Variants in ARHGAP24 observed in about 807,000 individuals in gnomAD.
ARHGAP24 encodes the protein rho GTPase-activating protein 24.
A neutral mutation model predicts 76.4 loss-of-function variants in ARHGAP24; 50 were observed. That is an observed-to-expected ratio of 0.65 (90% CI 0.52 to 0.83). The LOEUF is 0.83. ARHGAP24 is among the 40% of genes least tolerant of loss of function. The probability of loss-of-function intolerance (pLI) is 0.00; values close to 1 mark genes in which losing one functional copy is unlikely to be tolerated. For synonymous variants in ARHGAP24, 345 were observed against 323.3 expected (o/e 1.07, Z -0.72); for missense variants, 930 against 914.2 (o/e 1.02, Z -0.22).
At chr4:85,827,448 A>T (rs1016311012) in intron 3 of ARHGAP24, among the ~76,000 whole-genome samples, 1 of 135,532 alleles carries the variant, frequency 7.4e-6, no homozygotes, top group Non-Finnish European at 1.6e-5. Flanking sequence ...GAATAGCTAC[A>T]CTGAAGTCTG....
intron 1 of ARHGAP24, among the ~76,000 whole-genome samples, chr4:85,488,786 G>A (rs949968798): frequency 4.6e-5 from 7 of 152,168 alleles, no homozygotes; most frequent in African/African-American, 1.7e-4. Flanking sequence ...TGGCAAAAAT[G>A]GAGAAAAGAG....
At chr4:85,644,926 G>T (rs754098802) in intron 2 of ARHGAP24, among the ~76,000 whole-genome samples, 2 of 152,080 alleles carry the variant, frequency 1.3e-5, no homozygotes, top group African/African-American at 2.4e-5. Context: ...GATGGCAAGA[G>T]AAATGAGTAA....
At chr4:85,917,572 C>G (rs1049163224) in intron 3 of ARHGAP24, among the ~76,000 whole-genome samples, 1 of 152,130 alleles carries the variant, frequency 6.6e-6, no homozygotes, top group African/African-American at 2.4e-5. Context: ...TCTCCAACAT[C>G]TGTTGTTTCC....
chr4:85,720,147 G>T (rs1258408335), intron 2 of ARHGAP24, among the ~76,000 whole-genome samples: 2 of 152,050 alleles, frequency 1.3e-5, no homozygotes, highest in African/African-American at 2.4e-5. Flanking sequence ...ATAGCATTAG[G>T]AGATATACCT....
chr4:85,675,842 A>G (rs1722962954), intron 2 of ARHGAP24, among the ~76,000 whole-genome samples: 1 of 152,198 alleles, frequency 6.6e-6, no homozygotes, highest in South Asian at 2.1e-4. Flanking sequence ...CAAAGTCATC[A>G]GGCAGGATGG....
At chr4:85,506,363 G>T (rs1244603694) in intron 1 of ARHGAP24, among the ~76,000 whole-genome samples, 2 of 152,236 alleles carry the variant, frequency 1.3e-5, no homozygotes, top group Non-Finnish European at 2.9e-5. Flanking sequence ...GGAGTCTATA[G>T]AGGCAGTATA....
chr4:85,810,277 T>G (rs1397282454), intron 3 of ARHGAP24, among the ~76,000 whole-genome samples: 1 of 152,198 alleles, frequency 6.6e-6, no homozygotes, highest in Non-Finnish European at 1.5e-5. Flanking sequence ...TGATTCTATT[T>G]CTTCACATGT....
At chr4:85,783,081 G>A (rs1727638923) in intron 3 of ARHGAP24, among the ~76,000 whole-genome samples, 1 of 152,082 alleles carries the variant, frequency 6.6e-6, no homozygotes, top group African/African-American at 2.4e-5. Flanking sequence ...CAGTAATTTG[G>A]AACTGTAAAT....
At chr4:85,931,563 T>A (rs1932245625) in intron 4 of ARHGAP24, among the ~76,000 whole-genome samples, 2 of 152,158 alleles carry the variant, frequency 1.3e-5, no homozygotes, top group African/African-American at 4.8e-5. Context: ...GAATATTTGC[T>A]GGGAATAGGA....
Position 85,892,247 on chromosome 4 carries a change from CTCT to C in ARHGAP24, c.269-31399_269-31397del, listed in dbSNP as rs1013646286. Among the ~76,000 whole-genome samples, 4 of 49,662 alleles carry C rather than the reference CTCT, an allele frequency of 8.1e-5. 1 individual carries two copies. The highest frequency in any genetic ancestry group is 3.6e-4 in the African/African-American group (4 of 11,152). 32.6% of individuals were successfully genotyped at this position (49,662 alleles called of 152,430 possible). A position where few individuals can be genotyped will look rare whatever the true frequency, so the allele number is the denominator to read the frequency against. ...TTTATTGTGTCTATTTGATTCTTCT[CTCT>C]TTTTTTCTTTATTAGTCTTGCTAGC... On this transcript the variant is annotated intron_variant, in intron 3 of 9. Transcript: ENST00000395184.
chr4:85,935,772 T>C (rs1736596255), intron 4 of ARHGAP24, among the ~76,000 whole-genome samples: 1 of 152,168 alleles, frequency 6.6e-6, no homozygotes, highest in Non-Finnish European at 1.5e-5. Flanking sequence ...TGTGTATAAT[T>C]GCTCCAATGG....
At chr4:85,499,070 G>C (rs1172195503) in intron 1 of ARHGAP24, among the ~76,000 whole-genome samples, 1 of 152,064 alleles carries the variant, frequency 6.6e-6, no homozygotes, top group African/African-American at 2.4e-5. Context: ...GCTTGTTGTT[G>C]TTTGCTTCGT....
In ARHGAP24 at chr4:85,806,765, G is replaced by A. The variant is rs553060407; in HGVS notation, c.268+84793G>A. On this transcript the variant is annotated intron_variant, in intron 3 of 9. Coordinates refer to ENST00000395184, the MANE Select transcript of ARHGAP24 (RefSeq NM_001025616.3). ...TTCCAGTTTTCCATTTCTAAGAAGA[G>A]AATGCTAATGTAACTCGGAAATTAG... Among the ~76,000 whole-genome samples, 139 of 152,268 alleles carry A rather than the reference G, an allele frequency of 9.1e-4. 4 individuals are homozygous for A. In the South Asian group the frequency reaches 0.028, roughly 30 times the overall value.
intron 2 of ARHGAP24, among the ~76,000 whole-genome samples, chr4:85,665,643 C>A (rs559075076): frequency 6.6e-6 from 1 of 152,258 alleles, no homozygotes; most frequent in Admixed American, 6.5e-5. Flanking sequence ...GATTTTGCAG[C>A]GGCTGGTACC....
intron 3 of ARHGAP24, among the ~76,000 whole-genome samples, chr4:85,751,038 C>T (rs549606572): frequency 1.1e-4 from 16 of 152,174 alleles, no homozygotes; most frequent in Non-Finnish European, 1.9e-4. Flanking sequence ...TCCTGAGTTA[C>T]AGCCTTCAAA....
intron 2 of ARHGAP24, among the ~76,000 whole-genome samples, chr4:85,618,799 G>A (rs1287634741): frequency 1.3e-5 from 2 of 151,962 alleles, no homozygotes; most frequent in Non-Finnish European, 2.9e-5. Context: ...GTCTATTCAA[G>A]TTTTTACCCG....
At chr4:85,872,863 A>C (rs942509279) in intron 3 of ARHGAP24, among the ~76,000 whole-genome samples, 16 of 152,050 alleles carry the variant, frequency 1.1e-4, no homozygotes, top group African/African-American at 3.1e-4. Context: ...CAGCCTCCCT[A>C]AGTGCTGGGA....
At chr4:85,640,320 C>T (rs1212232825) in intron 2 of ARHGAP24, among the ~76,000 whole-genome samples, 3 of 152,128 alleles carry the variant, frequency 2.0e-5, no homozygotes, top group Non-Finnish European at 2.9e-5. Flanking sequence ...AAGACTTTCA[C>T]CCACCTTTCC....
chr4:85,728,505 A>C (rs530933038), intron 3 of ARHGAP24, among the ~76,000 whole-genome samples: 145 of 152,208 alleles, frequency 9.5e-4, no homozygotes, highest in African/African-American at 3.3e-3. Flanking sequence ...TATACCAATC[A>C]GTTTTAGACT....
Sources: allele counts gnomAD v4.1 joint callset (sites outside exome capture counted in the v4.1 genomes callset), GRCh38; gene constraint gnomAD v4.1.1; transcripts MANE v1.5; gene names NCBI Gene and HGNC (gene_info 2026-07-23, HGNC 2026-07-21).